The following ADCY8 variants were observed in gnomAD, a reference collection of about 807,000 sequenced individuals.
ADCY8 encodes the protein adenylate cyclase 8.
Under a neutral mutation model 119.7 loss-of-function variants are expected in ADCY8, and 51 were observed. The observed-to-expected ratio is 0.43, with a 90% CI of 0.34 to 0.54. The LOEUF is 0.54. ADCY8 is among the 20% of genes least tolerant of loss of function. The pLI, the probability that ADCY8 is intolerant of heterozygous loss-of-function variation, is 0.03. For synonymous variants in ADCY8, 665 were observed against 651.0 expected (o/e 1.02, Z -0.33); for missense variants, 1,383 against 1,598.8 (o/e 0.87, Z 2.30).
intron 9 of ADCY8, among the ~76,000 whole-genome samples, chr8:130,856,325 T>A (rs1817730873): frequency 6.6e-6 from 1 of 151,974 alleles, no homozygotes; most frequent in Admixed American, 6.6e-5. Context: ...TGACTGTATA[T>A]CCCCATCACT....
intron 8 of ADCY8, among the ~76,000 whole-genome samples, chr8:130,879,030 A>C (rs1818667614): frequency 6.6e-6 from 1 of 152,188 alleles, no homozygotes; most frequent in Non-Finnish European, 1.5e-5. Context: ...ATTCCAAATA[A>C]GTGTTCCTGT....
At chr8:130,943,671 G>C (rs888722451) in intron 3 of ADCY8, among the ~76,000 whole-genome samples, 1 of 152,186 alleles carries the variant, frequency 6.6e-6, no homozygotes, top group African/African-American at 2.4e-5. Context: ...GGAAGGACAA[G>C]GGGACAACAG....
intron 8 of ADCY8, among the ~76,000 whole-genome samples, chr8:130,870,343 C>T (rs938969544): frequency 6.6e-6 from 1 of 152,092 alleles, no homozygotes; most frequent in Non-Finnish European, 1.5e-5. Context: ...CACCCATCAT[C>T]ATCATGAACA....
intron 14 of ADCY8, among the ~76,000 whole-genome samples, chr8:130,802,900 C>T (rs905643317): frequency 7.2e-5 from 11 of 152,226 alleles, no homozygotes; most frequent in Non-Finnish European, 1.3e-4. Context: ...GGCTCCCTCG[C>T]CCCTTGGGCC....
intron 2 of ADCY8, among the ~76,000 whole-genome samples, chr8:130,959,484 G>A (rs979006273): frequency 6.6e-6 from 1 of 152,202 alleles, no homozygotes; most frequent in African/African-American, 2.4e-5. Context: ...GCCAAGCACA[G>A]CAATAGATAG....
intron 9 of ADCY8, among the ~76,000 whole-genome samples, chr8:130,867,081 T>C (rs142155744): frequency 5.3e-5 from 8 of 152,252 alleles, no homozygotes; most frequent in African/African-American, 1.7e-4. Context: ...ATAGTAAGTA[T>C]AGGGAGAAGG....
Position 131,039,866 on chromosome 8 carries a change from G to C in ADCY8, c.468C>G (p.Thr156=), listed in dbSNP as rs749077881. The part of the protein sequence containing the change: ...GYSYRGVIFP[T]LRNSFKSRDL... ...CCCGAGATTTGAAGGAGTTGCGCAGGGTGGGGAAAATGACCCCTCGGTAGC... is the reference window on the plus strand; with the variant it reads ...CCCGAGATTTGAAGGAGTTGCGCAGCGTGGGGAAAATGACCCCTCGGTAGC... Residue 156 remains threonine, a synonymous_variant, in exon 1 of 18, where the codon ACC becomes ACG. Coordinates refer to ENST00000286355, the MANE Select transcript of ADCY8 (RefSeq NM_001115.3). The C allele has an allele frequency of 3.1e-6, 5 of 1,614,100 alleles. No individual in the cohort carries two copies. Among genetic ancestry groups the C allele is most frequent in the Non-Finnish European group, 4.2e-6 (5 of 1,179,978 alleles).
intron 15 of ADCY8, among the ~76,000 whole-genome samples, chr8:130,796,607 AC>A (rs1815585083): frequency 6.6e-6 from 1 of 152,038 alleles, no homozygotes; most frequent in Non-Finnish European, 1.5e-5. Flanking sequence ...CCAAAACAAA[AC>A]AAAACAAAAC....
chr8:130,812,621 A>G (rs190526), intron 14 of ADCY8, among the ~76,000 whole-genome samples: 454 of 152,278 alleles, frequency 3.0e-3, no homozygotes, highest in African/African-American at 0.011. Flanking sequence ...CCAAGGAGAG[A>G]TTCTCCCCCA....
chr8:130,912,223 A>G (rs1820002881), intron 5 of ADCY8, among the ~76,000 whole-genome samples: 1 of 152,126 alleles, frequency 6.6e-6, no homozygotes. Context: ...GTGTTATAAT[A>G]ATCTGTCTCC....
At chr8:130,794,479 C>T (rs1478920698) in intron 15 of ADCY8, among the ~76,000 whole-genome samples, 5 of 152,152 alleles carry the variant, frequency 3.3e-5, no homozygotes, top group East Asian at 1.9e-4. Flanking sequence ...CTCCTGACCT[C>T]GTGATCCGCC....
intron 8 of ADCY8, among the ~76,000 whole-genome samples, chr8:130,878,115 C>T (rs751136319): frequency 3.9e-5 from 6 of 152,148 alleles, no homozygotes; most frequent in Non-Finnish European, 5.9e-5. Flanking sequence ...ATACTCATTT[C>T]GATGAGATCA....
intron 9 of ADCY8, among the ~76,000 whole-genome samples, chr8:130,859,069 A>G (rs1307432210): frequency 6.6e-6 from 1 of 152,144 alleles, no homozygotes; most frequent in Admixed American, 6.5e-5. Flanking sequence ...TTTATTGGAT[A>G]TCGGCATTAG....
intron 1 of ADCY8, among the ~76,000 whole-genome samples, chr8:131,038,599 G>C (rs866626272): frequency 2.6e-5 from 4 of 152,270 alleles, no homozygotes; most frequent in Middle Eastern, 3.4e-3. Flanking sequence ...GAGGAGAAAG[G>C]AGGGAAAGAT....
chr8:130,792,377 G>A (rs1815450692), intron 15 of ADCY8, among the ~76,000 whole-genome samples: 1 of 152,118 alleles, frequency 6.6e-6, no homozygotes, highest in African/African-American at 2.4e-5. Context: ...ATGTCTTACA[G>A]CTGTAAATAC....
chr8:130,968,676 C>T (rs1821836929), intron 2 of ADCY8, among the ~76,000 whole-genome samples: 2 of 152,168 alleles, frequency 1.3e-5, no homozygotes, highest in South Asian at 4.1e-4. Context: ...CTTAGGACAT[C>T]AGCGGTATTC....
chr8:130,788,839 A>G (rs1414688475), intron 15 of ADCY8, among the ~76,000 whole-genome samples: 3 of 152,220 alleles, frequency 2.0e-5, no homozygotes, highest in Admixed American at 6.5e-5. Context: ...CTACTCCAGA[A>G]CAAAAATAAT....
chr8:130,962,481 C>A (rs1821633866), intron 2 of ADCY8, among the ~76,000 whole-genome samples: 1 of 152,150 alleles, frequency 6.6e-6, no homozygotes, highest in South Asian at 2.1e-4. Flanking sequence ...TGAAAAGAGA[C>A]CCTGGATTGA....
At chr8:131,012,954 CAACT>C (rs1191847339) in intron 1 of ADCY8, among the ~76,000 whole-genome samples, 1 of 152,174 alleles carries the variant, frequency 6.6e-6, no homozygotes, top group African/African-American at 2.4e-5. Context: ...TAACTTTGAA[CAACT>C]AACAAATGTG....
Sources: allele counts gnomAD v4.1 joint callset (sites outside exome capture counted in the v4.1 genomes callset), GRCh38; gene constraint gnomAD v4.1.1; transcripts MANE v1.5; gene names NCBI Gene and HGNC (gene_info 2026-07-23, HGNC 2026-07-21).